ANAPC5: variants seen among roughly 807,000 people sequenced by gnomAD.
ANAPC5 encodes the protein anaphase-promoting complex subunit 5.
A neutral mutation model predicts 91.3 loss-of-function variants in ANAPC5; 60 were observed. That is an observed-to-expected ratio of 0.66 (90% CI 0.53 to 0.81). The LOEUF (loss-of-function observed/expected upper bound fraction) is 0.81. Among genes scored for constraint, ANAPC5 ranks in the 40% least tolerant of loss-of-function variants. The pLI, the probability that ANAPC5 is intolerant of heterozygous loss-of-function variation, is 0.00. For synonymous variants in ANAPC5, 340 were observed against 364.1 expected, an observed-to-expected ratio of 0.93 and a Z score of 0.75; for missense variants, 690 against 931.5, an observed-to-expected ratio of 0.74 and a Z score of 3.37.
Position 121,330,684 on chromosome 12 carries a change from A to T in ANAPC5, c.1033-12T>A. 1 of 1,608,682 alleles carries T rather than the reference A, an allele frequency of 6.2e-7. No individual in the cohort carries two copies. The highest frequency in any genetic ancestry group is 8.5e-7 in the Non-Finnish European group (1 of 1,175,058). On this transcript the variant is annotated splice_polypyrimidine_tract_variant and intron_variant, in intron 8 of 16. Transcript: ENST00000261819. ...ACATAAAGCCAGCTCTGGCAAGAGA[A>T]ATCATCAAAATATATCATAACAGTG...
intron 7 of ANAPC5, chr12:121,331,803 T>G (rs1421034743): frequency 6.4e-6 from 1 of 155,780 alleles, no homozygotes; most frequent in African/African-American, 2.4e-5. Context: ...ACTATGTGCA[T>G]TTGTTACTTT....
intron 7 of ANAPC5, chr12:121,332,372 T>C (rs1593591802): frequency 6.6e-6 from 1 of 152,206 alleles, no homozygotes; most frequent in East Asian, 1.9e-4. Context: ...GCTGATCTGC[T>C]ACCTTTCTAT....
upstream of ANAPC5, among the ~76,000 whole-genome samples, chr12:121,352,861 G>A (rs1463276539): frequency 6.6e-6 from 1 of 151,940 alleles, no homozygotes; most frequent in Non-Finnish European, 1.5e-5. Flanking sequence ...CGATCCTCCC[G>A]CCTTCCCGAG....
At chr12:121,351,171 G>C (rs782179450) in intron 1 of ANAPC5, 7 of 407,366 alleles carry the variant, frequency 1.7e-5, no homozygotes, top group Non-Finnish European at 3.4e-5. Context: ...AGGAGTTCCC[G>C]GCCAGCCTGG....
chr12:121,338,654 T>C (rs71454688), intron 5 of ANAPC5, among the ~76,000 whole-genome samples: 7,455 of 152,174 alleles, frequency 0.049, 193 homozygotes, highest in South Asian at 0.082. Flanking sequence ...GGAAAAATTA[T>C]TCCAAAAATA....
chr12:121,352,681 G>A (rs963052239), upstream of ANAPC5, among the ~76,000 whole-genome samples: 1 of 145,914 alleles, frequency 6.9e-6, no homozygotes, highest in Admixed American at 6.8e-5. Flanking sequence ...GGACTGAGGA[G>A]CTCCCAAAGT....
intron 11 of ANAPC5, 119 bp from the exon 12 acceptor site, chr12:121,320,578 T>C: frequency 1.4e-6 from 1 of 717,784 alleles, no homozygotes; most frequent in South Asian, 2.2e-5. Flanking sequence ...ACCTGAGAGA[T>C]ACTGGTCAGA....
chr12:121,331,434 G>C lies in ANAPC5; in HGVS notation c.951-6C>G, dbSNP rs1903039909. 6.2e-7 allele frequency: 1 copy of C among 1,605,478 alleles called. No individual in the cohort carries two copies. Among genetic ancestry groups the C allele is most frequent in the African/African-American group, 1.3e-5 (1 of 74,916 alleles). On this transcript the variant is annotated splice_polypyrimidine_tract_variant and splice_region_variant and intron_variant, in intron 7 of 16. Transcript: ENST00000261819. ...GGGCGAGCTCTGCCTGTTGACTAAT[G>C]ACAGACTAAACATTAATATCCCATT...
chr12:121,328,160 A>G lies in ANAPC5; in HGVS notation c.1304+156T>C, dbSNP rs1555272500. 8.6e-6 allele frequency: 6 copies of G among 697,050 alleles called. No homozygotes were observed. The Admixed American group carries it at 1.8e-4, about 21-fold the overall frequency. 43.2% of individuals were successfully genotyped at this position (697,050 alleles called of 1,614,324 possible). A position where few individuals can be genotyped will look rare whatever the true frequency, so the allele number is the denominator to read the frequency against. Reference sequence around the variant, plus strand: ...GAAAAAAGTTTTCAGTCTGTGCAAAATACAAAATGTTTTATAGTCTAAAAC... The same window carrying G: ...GAAAAAAGTTTTCAGTCTGTGCAAAGTACAAAATGTTTTATAGTCTAAAAC... On this transcript the variant is annotated intron_variant, in intron 10 of 16. Transcript: ENST00000261819.
At chr12:121,350,680 C>CA (rs11457183) in intron 1 of ANAPC5, among the ~76,000 whole-genome samples, 94,514 of 133,264 alleles carry the variant, frequency 0.71, 35,668 homozygotes, top group Non-Finnish European at 0.85. Flanking sequence ...GACTCCGTCT[C>CA]AAAAAAAAAA....
chr12:121,345,662 A>G (rs563507495), intron 4 of ANAPC5, among the ~76,000 whole-genome samples, 177 bp downstream of exon 4: 2 of 152,238 alleles, frequency 1.3e-5, no homozygotes, highest in African/African-American at 2.4e-5. Flanking sequence ...CCATTGGCCA[A>G]TCACAAGTCA....
chr12:121,311,389 A>C (rs1362937835), intron 15 of ANAPC5, among the ~76,000 whole-genome samples: 1 of 152,220 alleles, frequency 6.6e-6, no homozygotes. Context: ...TAAGTTAAAA[A>C]CCGTTACAAG....
intron 5 of ANAPC5, among the ~76,000 whole-genome samples, chr12:121,337,898 G>A (rs1903307905): frequency 2.0e-5 from 3 of 152,102 alleles, no homozygotes; most frequent in Admixed American, 6.6e-5. Context: ...TCCAGTGCCT[G>A]TATGGGGCCT....
At position 121,309,565 on chromosome 12, in the gene ANAPC5, G is replaced by T. The variant is rs944071044; in HGVS notation, c.2056+136C>A. 8.1e-5 allele frequency: 86 copies of T among 1,064,900 alleles called. 1 individual carries two copies. The highest frequency in any genetic ancestry group is 1.0e-4 in the Non-Finnish European group (77 of 763,560). 66.0% of individuals were successfully genotyped at this position (1,064,900 alleles called of 1,614,324 possible). A position where few individuals can be genotyped will look rare whatever the true frequency, so the allele number is the denominator to read the frequency against. On this transcript the variant is annotated intron_variant, in intron 16 of 16. Transcript: ENST00000261819. ...TGTGAAAGCACTTTAAATGCTGCATGAAATTTTAATATATATTTGTGAACA... is the reference window on the plus strand; with the variant it reads ...TGTGAAAGCACTTTAAATGCTGCATTAAATTTTAATATATATTTGTGAACA...
intron 1 of ANAPC5, among the ~76,000 whole-genome samples, chr12:121,351,600 G>A (rs1434069151): frequency 6.6e-5 from 10 of 151,744 alleles, no homozygotes; most frequent in Non-Finnish European, 1.3e-4. Context: ...TGAAATTACA[G>A]GTGCCCGCCA....
chr12:121,330,752 A>G (rs1337512842), intron 8 of ANAPC5, 80 bp from the exon 9 acceptor site: 5 of 1,103,342 alleles, frequency 4.5e-6, no homozygotes, highest in Non-Finnish European at 5.5e-6. Context: ...TGGTCATAAG[A>G]AAGAATTTAA....
rs1445068465 is a variant in ANAPC5 at position 121,319,765 on chromosome 12, G to C, written c.1569C>G (p.Gly523=). 1 of 1,612,220 alleles carries C rather than the reference G, an allele frequency of 6.2e-7. No homozygotes were observed. The highest frequency in any genetic ancestry group is 1.3e-5 in the African/African-American group (1 of 74,864). ...KIQFDRAMND[G]KYHLADSLVT... ...CAAGTGAATCAGCCAAATGATATTT[G>C]CCATCATTCATTGCTCTGTCAAACT... The change falls in exon 13 of 17, where the codon GGC becomes GGG. Residue 523 remains glycine, a synonymous_variant. Transcript: ENST00000261819.
intron 5 of ANAPC5, 105 bp downstream of exon 5, chr12:121,341,898 A>T (rs143064498): frequency 0.017 from 14,233 of 815,074 alleles, 250 homozygotes; most frequent in South Asian, 0.069. Context: ...AGACTGACCA[A>T]CAAACCTATG....
Position 121,309,073 on chromosome 12 carries a change from C to T in ANAPC5, c.2057-382G>A, listed in dbSNP as rs536517298. 1.5e-3 allele frequency among the ~76,000 whole-genome samples: 218 copies of T among 142,304 alleles called. 4 individuals carry two copies. In the Middle Eastern group the frequency reaches 0.019, roughly 12 times the overall value. The allele number at this position is 142,304 out of a possible 152,430, so 93.4% of individuals were successfully genotyped here. On this transcript the variant is annotated intron_variant, in intron 16 of 16. Transcript: ENST00000261819. ...CTGAGGCAGGAGAGTCACTTGAACC[C>T]GGGAGGCAGAGGTTGCAGTGAGCTG...
Sources: gnomAD v4.1 joint callset for allele counts (sites outside exome capture counted in the v4.1 genomes callset) on GRCh38, gnomAD v4.1.1 for gene constraint, MANE v1.5 for transcripts, NCBI Gene and HGNC (gene_info 2026-07-23, HGNC 2026-07-21) for gene names.